The following POLRMT variants were observed in gnomAD, a reference collection of about 807,000 sequenced individuals.
The protein encoded by POLRMT is DNA-directed RNA polymerase, mitochondrial.
In POLRMT, 114 loss-of-function variants were observed where a neutral mutation model predicts 132.2. That is an observed-to-expected ratio of 0.86 (90% CI 0.74 to 1.01). The LOEUF (loss-of-function observed/expected upper bound fraction) is 1.01. Ranked by LOEUF, POLRMT falls within the 50% of genes least tolerant of loss-of-function variation. The pLI is 0.00. For synonymous variants in POLRMT, 1,020 were observed against 773.4 expected (o/e 1.32, Z -5.29); for missense variants, 2,003 against 1,729.1 (o/e 1.16, Z -2.81).
rs766704401 is a variant in POLRMT, at chr19:621,147, A to T, written c.2551T>A (p.Leu851Met). The T allele has an allele frequency of 2.5e-6, 4 of 1,610,806 alleles. No homozygotes were observed. Among genetic ancestry groups the T allele is most frequent in the Admixed American group, 1.7e-5 (1 of 59,932 alleles). ...TTCCGCAGCGGCTCCCGCTTCTTCA[A>T]CCCCGTGAGATTGACCAGGTGGATC... ...LKIHLVNLTG[L>M]KKREPLRKRL... Residue 851 changes from leucine (L) to methionine (M), a missense_variant, in exon 10 of 21, where the codon TTG (leucine) becomes ATG (methionine). Physicochemically the swap from Leu to Met is conservative, Grantham distance 15 (BLOSUM62 2). Transcript: ENST00000588649.
Position 618,693 on chromosome 19 carries a change from C to A in POLRMT, c.3323+12G>T, listed in dbSNP as rs1435528413. ...ACCCCCGGCCAGGCCCCAGCCCGGGCCCCCCACTCACCGGCTGATGTCTCC... is the reference window on the plus strand; with the variant it reads ...ACCCCCGGCCAGGCCCCAGCCCGGGACCCCCACTCACCGGCTGATGTCTCC... On this transcript the variant is annotated intron_variant, in intron 16 of 20. Coordinates refer to ENST00000588649, the MANE Select transcript of POLRMT (RefSeq NM_005035.4). The A allele has an allele frequency of 1.9e-6, 3 of 1,605,516 alleles. No homozygotes were observed. Among genetic ancestry groups the A allele is most frequent in the South Asian group, 2.2e-5 (2 of 90,166 alleles).
chr19:620,242 C>T (rs1195063758), intron 11 of POLRMT, 123 bp downstream of exon 11: 5 of 1,454,056 alleles, frequency 3.4e-6, no homozygotes, highest in Non-Finnish European at 3.7e-6. Context: ...GCCATGGCTC[C>T]CGCACACTCT....
rs1271817084 is a variant in POLRMT, at chr19:622,122, C to G, written c.1851+27G>C. 4.6e-6 allele frequency: 7 copies of G among 1,517,326 alleles called. No homozygotes were observed. The South Asian group carries it at 4.8e-5, about 10-fold the overall frequency. The allele number at this position is 1,517,326 out of a possible 1,614,324, so 94.0% of individuals were successfully genotyped here. A position where few individuals can be genotyped will look rare whatever the true frequency, so the allele number is the denominator to read the frequency against. ...CCTGGTCCTCCCAGCGGGATGCCCC[C>G]CAGCTCAGGAGGGCACTGCCTGGCA... On this transcript the variant is annotated intron_variant, in intron 9 of 20. Transcript: ENST00000588649.
intron 18 of POLRMT, 58 bp from the exon 19 acceptor site, chr19:617,713 T>G (rs1984106132): frequency 6.2e-7 from 1 of 1,610,592 alleles, no homozygotes; most frequent in African/African-American, 1.3e-5. Context: ...GCACCACCCC[T>G]ACCCAACGCC....
intron 13 of POLRMT, 107 bp from the exon 14 acceptor site, chr19:619,403 G>T: frequency 7.1e-7 from 1 of 1,414,908 alleles, no homozygotes; most frequent in South Asian, 1.2e-5. Context: ...GCCTAGCAGG[G>T]GGGCAGGGGA....
Position 619,694 on chromosome 19 carries a change from G to C in POLRMT, c.2958C>G (p.Thr986=), listed in dbSNP as rs111322238. 1.9e-6 allele frequency: 3 copies of C among 1,609,300 alleles called. No homozygotes were observed. The highest frequency in any genetic ancestry group is 2.5e-6 in the Non-Finnish European group (3 of 1,178,694). Residue 986 remains threonine (T), a synonymous_variant, in exon 13 of 21, where the codon ACC becomes ACG. Coordinates refer to ENST00000588649, the MANE Select transcript of POLRMT (RefSeq NM_005035.4). ...TCACCGTCTGCTTCACCACCTTGCG[G>C]GTGATGAAACCTTCCAGCACCTGTG... ...RVAQVLEGFI[T]RKVVKQTVMT... is the part of the protein sequence containing the mutation.
chr19:618,662 CT>C (rs1257908363), intron 16 of POLRMT, 42 bp downstream of exon 16: 1 of 1,604,008 alleles, frequency 6.2e-7, no homozygotes, highest in African/African-American at 1.3e-5. Context: ...CGTGGCTGCT[CT>C]CCAGACCCCC....
At position 627,927 on chromosome 19, in the gene POLRMT, A is replaced by AAAC. The variant is rs1231101284; in HGVS notation, c.822+1612_822+1613insGTT. ...GCAACAGACAGAGAGTCTATCTCAA[A>AAAC]AAAAAAAAAAAAAAAAAGATAGAAG... is the stretch of plus-strand genomic sequence containing the variant. On this transcript the variant is annotated intron_variant, in intron 3 of 20. Coordinates refer to ENST00000588649, the MANE Select transcript of POLRMT (RefSeq NM_005035.4). 7.7e-3 allele frequency among the ~76,000 whole-genome samples: 914 copies of AAAC among 118,624 alleles called. 5 individuals are homozygous for AAAC. The highest frequency in any genetic ancestry group is 0.019 in the Middle Eastern group (4 of 208). The allele number at this position is 118,624 out of a possible 152,430, so 77.8% of individuals were successfully genotyped here. A position where few individuals can be genotyped will look rare whatever the true frequency, so the allele number is the denominator to read the frequency against.
In POLRMT at chr19:623,657, C is replaced by G. The variant is rs1439901123; in HGVS notation, c.1141-54G>C. On this transcript the variant is annotated intron_variant, in intron 5 of 20. Transcript: ENST00000588649. Reference sequence around the variant, plus strand: ...GGCTTGCCAGAGGGCGACCTGCCCTCCCAGGACCCCGAGACAGCATGGGTG... The same window carrying G: ...GGCTTGCCAGAGGGCGACCTGCCCTGCCAGGACCCCGAGACAGCATGGGTG... 5.0e-6 allele frequency: 8 copies of G among 1,591,308 alleles called. No individual in the cohort carries two copies. The African/African-American group carries it at 9.4e-5, about 19-fold the overall frequency.
At chr19:625,448 C>CA in intron 3 of POLRMT, 194 bp from the exon 4 acceptor site, 6 of 637,178 alleles carry the variant, frequency 9.4e-6, no homozygotes. Flanking sequence ...GAGGCAGCCG[C>CA]ATGGCCCGCC....
chr19:625,257 G>C lies in POLRMT; in HGVS notation c.823-3C>G, dbSNP rs1190333732. 2 of 1,613,774 alleles carry C rather than the reference G, an allele frequency of 1.2e-6. No individual in the cohort carries two copies. Among genetic ancestry groups the C allele is most frequent in the South Asian group, 2.2e-5 (2 of 91,058 alleles). On this transcript the variant is annotated splice_region_variant and splice_polypyrimidine_tract_variant and intron_variant, in intron 3 of 20. Coordinates refer to ENST00000588649, the MANE Select transcript of POLRMT (RefSeq NM_005035.4). ...TATACCAGCTCCTTGAAGGCACCCTGGGAGACCAAGCCAGGGTGAGGGTCT... is the reference window on the plus strand; with the variant it reads ...TATACCAGCTCCTTGAAGGCACCCTCGGAGACCAAGCCAGGGTGAGGGTCT...
chr19:628,756 G>C (rs1011863193), intron 3 of POLRMT, among the ~76,000 whole-genome samples: 21 of 152,144 alleles, frequency 1.4e-4, no homozygotes, highest in Non-Finnish European at 7.3e-5. Flanking sequence ...TGTAATCTCA[G>C]CTCCTCGGGA....
At position 621,130 on chromosome 19, in the gene POLRMT, C is replaced by A. The variant is rs56221930; in HGVS notation, c.2568G>T (p.Pro856=). 24 of 1,610,788 alleles carry A rather than the reference C, an allele frequency of 1.5e-5. No individual in the cohort carries two copies. Among genetic ancestry groups the A allele is most frequent in the Non-Finnish European group, 1.8e-5 (21 of 1,178,726 alleles). The part of the protein sequence containing the change: ...VNLTGLKKRE[P]LRKRLAFAEE... ...CCGCAAAGGCCAGGCGCTTCCGCAG[C>A]GGCTCCCGCTTCTTCAACCCCGTGA... The change falls in exon 10 of 21, where the codon CCG becomes CCT. Residue 856 remains proline, a synonymous_variant. Coordinates refer to ENST00000588649, the MANE Select transcript of POLRMT (RefSeq NM_005035.4).
At chr19:618,884 G>A in intron 15 of POLRMT, 113 bp downstream of exon 15, 3 of 1,353,398 alleles carry the variant, frequency 2.2e-6, no homozygotes, top group South Asian at 1.3e-5. Flanking sequence ...GGATGGGGTG[G>A]CACACTGGGG....
rs115896764 is a variant in POLRMT, at chr19:620,612, G to T, written c.2641-125C>A. The T allele has an allele frequency of 4.8e-3, 5,794 of 1,215,684 alleles. 206 individuals are homozygous for T. The African/African-American group carries it at 0.078, about 16-fold the overall frequency. 75.3% of individuals were successfully genotyped at this position (1,215,684 alleles called of 1,614,324 possible). A position where few individuals can be genotyped will look rare whatever the true frequency, so the allele number is the denominator to read the frequency against. On this transcript the variant is annotated intron_variant, in intron 10 of 20. Transcript: ENST00000588649. ...ACACCCGTGATAGTGAACACGGGAC[G>T]CATGTGGGCGAGAGACGGGGCGGTG...
intron 2 of POLRMT, among the ~76,000 whole-genome samples, chr19:631,558 G>C (rs911171236): frequency 3.3e-5 from 5 of 151,988 alleles, no homozygotes; most frequent in African/African-American, 1.2e-4. Context: ...AGAATTGCTT[G>C]AACTCGGGAG....
chr19:632,459 CCAGAGCCAAGCCAGGA>C (rs1237021039), intron 2 of POLRMT, among the ~76,000 whole-genome samples: 2 of 152,118 alleles, frequency 1.3e-5, no homozygotes, highest in East Asian at 3.9e-4. Context: ...CGCCTACCCC[CCAGAGCCAAGCCAGGA>C]CAGCTGAGTC....
intron 15 of POLRMT, 46 bp from the exon 16 acceptor site, chr19:618,806 G>C: frequency 1.3e-6 from 2 of 1,544,886 alleles, no homozygotes; most frequent in Non-Finnish European, 1.8e-6. Context: ...GGCCCAGCAC[G>C]GTGGTGGTAC....
intron 12 of POLRMT, 91 bp downstream of exon 12, chr19:619,867 G>A: frequency 6.3e-7 from 1 of 1,580,078 alleles, no homozygotes; most frequent in South Asian, 1.1e-5. Flanking sequence ...ACATCCTCAG[G>A]ACAGGCCAAG....
Sources: allele counts gnomAD v4.1 joint callset (sites outside exome capture counted in the v4.1 genomes callset), GRCh38; gene constraint gnomAD v4.1.1; transcripts MANE v1.5; gene names NCBI Gene and HGNC (gene_info 2026-07-23, HGNC 2026-07-21).